The following SMG6 variants were observed in gnomAD, a reference collection of about 807,000 sequenced individuals.
SMG6 encodes the protein SMG6 nonsense mediated mRNA decay factor.
In SMG6, 66 loss-of-function variants were observed where a neutral mutation model predicts 142.2. The observed-to-expected ratio is 0.46, with a 90% CI of 0.38 to 0.57. The LOEUF is 0.57. Among genes scored for constraint, SMG6 ranks in the 20% least tolerant of loss-of-function variants. The probability of loss-of-function intolerance (pLI) is 0.00; values close to 1 mark genes in which losing one functional copy is unlikely to be tolerated. For synonymous variants in SMG6, 779 were observed against 702.4 expected (o/e 1.11, Z -1.72); for missense variants, 1,793 against 1,832.0 (o/e 0.98, Z 0.39).
chr17:2,104,439 G>T (rs1257638315), intron 13 of SMG6, among the ~76,000 whole-genome samples: 2 of 152,018 alleles, frequency 1.3e-5, no homozygotes, highest in Non-Finnish European at 2.9e-5. Flanking sequence ...ATTGTGAAAA[G>T]AAGTCCTCAC....
At chr17:2,095,305 C>T (rs2068827322) in intron 13 of SMG6, among the ~76,000 whole-genome samples, 1 of 152,236 alleles carries the variant, frequency 6.6e-6, no homozygotes. Flanking sequence ...TCACTCTGAA[C>T]CACACTGTTT....
chr17:2,138,710 A>C (rs1567628894), intron 13 of SMG6, among the ~76,000 whole-genome samples: 1 of 151,800 alleles, frequency 6.6e-6, no homozygotes, highest in Admixed American at 6.6e-5. Flanking sequence ...GGTTTCCCCC[A>C]CCTCTCTCCC....
chr17:2,082,786 A>T (rs1246482453), intron 14 of SMG6, among the ~76,000 whole-genome samples: 2 of 152,182 alleles, frequency 1.3e-5, no homozygotes, highest in African/African-American at 4.8e-5. Flanking sequence ...GCTTCCTTTG[A>T]GGGACAGGGT....
chr17:2,081,974 G>A lies in SMG6; in HGVS notation c.3535-18C>T, dbSNP rs571618490. Reference sequence around the variant, plus strand: ...TCCTCCTCCTTTGGGTGGTGGAGCCGACCAGGACAAAGAGGAGACAGTTAG... The same window carrying A: ...TCCTCCTCCTTTGGGTGGTGGAGCCAACCAGGACAAAGAGGAGACAGTTAG... On this transcript the variant is annotated intron_variant, in intron 14 of 18. Transcript: ENST00000263073. 4.2e-5 allele frequency: 68 copies of A among 1,613,770 alleles called. No homozygotes were observed. The highest frequency in any genetic ancestry group is 5.3e-5 in the Non-Finnish European group (62 of 1,179,890).
intron 10 of SMG6, among the ~76,000 whole-genome samples, chr17:2,193,233 C>T (rs1308868012): frequency 6.6e-6 from 1 of 152,186 alleles, no homozygotes; most frequent in Non-Finnish European, 1.5e-5. Context: ...GTAGGTGGGA[C>T]TGCCCCACTC....
chr17:2,148,079 T>G lies in SMG6; in HGVS notation c.3357+24579A>C, dbSNP rs1280395638. ...GGTGGTGCGCACCTGTGGTCCCAGC[T>G]ACTGGGGAGGCTGAGGTGGGACGAT... On this transcript the variant is annotated intron_variant, in intron 13 of 18. Transcript: ENST00000263073. 4.6e-5 allele frequency among the ~76,000 whole-genome samples: 7 copies of G among 151,984 alleles called. No homozygotes were observed. In the East Asian group the frequency reaches 5.8e-4, roughly 13 times the overall value.
intron 10 of SMG6, among the ~76,000 whole-genome samples, chr17:2,189,460 C>A (rs1026423347): frequency 1.4e-4 from 22 of 152,334 alleles, no homozygotes; most frequent in African/African-American, 5.1e-4. Flanking sequence ...GGAGACACCA[C>A]ATACCCACAG....
At chr17:2,167,438 T>C (rs1270794153) in intron 13 of SMG6, among the ~76,000 whole-genome samples, 1 of 152,168 alleles carries the variant, frequency 6.6e-6, no homozygotes, top group East Asian at 1.9e-4. Flanking sequence ...AAGAAAAGAA[T>C]AGAACAAAGA....
intron 8 of SMG6, among the ~76,000 whole-genome samples, chr17:2,246,565 A>G (rs968733401): frequency 6.6e-6 from 1 of 152,246 alleles, no homozygotes; most frequent in Non-Finnish European, 1.5e-5. Flanking sequence ...CATTTAATTT[A>G]TAGATAAAAA....
intron 10 of SMG6, among the ~76,000 whole-genome samples, chr17:2,205,944 G>C (rs1355054363): frequency 1.3e-5 from 2 of 152,130 alleles, no homozygotes; most frequent in African/African-American, 2.4e-5. Flanking sequence ...GAGTAGCTGG[G>C]ACTACAGATG....
intron 13 of SMG6, among the ~76,000 whole-genome samples, chr17:2,156,825 T>C (rs2071022689): frequency 6.6e-6 from 1 of 152,182 alleles, no homozygotes; most frequent in South Asian, 2.1e-4. Flanking sequence ...GGCTAATTTT[T>C]ATTTTTTTGT....
intron 13 of SMG6, among the ~76,000 whole-genome samples, chr17:2,100,929 G>A (rs150913421): frequency 1.2e-3 from 178 of 152,234 alleles, no homozygotes; most frequent in African/African-American, 3.2e-3. Flanking sequence ...TGGGATTACA[G>A]GTGTGGGCCA....
In SMG6 at chr17:2,066,694, C is replaced by CACACACA. The variant is rs1375441508; in HGVS notation, c.3836-1016_3836-1015insTGTGTGT. Reference sequence around the variant, plus strand: ...ACACACACACACACACACACACACACAATGCCCATGCTTTCGGCACCCTGA... The same window carrying CACACACA: ...ACACACACACACACACACACACACACACACACAAATGCCCATGCTTTCGGCACCCTGA... On this transcript the variant is annotated intron_variant, in intron 16 of 18. Transcript: ENST00000263073. 4.0e-5 allele frequency among the ~76,000 whole-genome samples: 6 copies of CACACACA among 150,866 alleles called. No homozygotes were observed. In the South Asian group the frequency reaches 8.5e-4, roughly 21 times the overall value.
chr17:2,268,173 G>A (rs1192716571), intron 8 of SMG6, among the ~76,000 whole-genome samples: 1 of 152,098 alleles, frequency 6.6e-6, no homozygotes, highest in Non-Finnish European at 1.5e-5. Flanking sequence ...CAAAATGCTG[G>A]GATTATAGGC....
chr17:2,147,342 A>C (rs965463541), intron 13 of SMG6, among the ~76,000 whole-genome samples: 1 of 152,122 alleles, frequency 6.6e-6, no homozygotes, highest in Non-Finnish European at 1.5e-5. Context: ...GCAGTGAGCC[A>C]GGATTGCACC....
intron 4 of SMG6, among the ~76,000 whole-genome samples, chr17:2,294,052 A>T (rs1369271448): frequency 2.6e-5 from 4 of 152,218 alleles, no homozygotes; most frequent in African/African-American, 9.6e-5. Flanking sequence ...CACTCCACAC[A>T]AAAGAAATTA....
In SMG6 at chr17:2,115,961, C is replaced by T. The variant is rs543137275; in HGVS notation, c.3358-30060G>A. On this transcript the variant is annotated intron_variant, in intron 13 of 18. Coordinates refer to ENST00000263073, the MANE Select transcript of SMG6 (RefSeq NM_017575.5). ...GATGGAAGCAGTCCTCCCACCCTGG[C>T]CCCCCAAAGTGCAAGAATTACAGGT... Among the ~76,000 whole-genome samples, 24 of 152,262 alleles carry T rather than the reference C, an allele frequency of 1.6e-4. No homozygotes were observed. The East Asian group carries it at 4.6e-3, about 29-fold the overall frequency.
At chr17:2,286,958 G>GT (rs1567749803) in intron 6 of SMG6, among the ~76,000 whole-genome samples, 2 of 127,640 alleles carry the variant, frequency 1.6e-5, no homozygotes, top group African/African-American at 5.8e-5. Context: ...TTGAGACAGA[G>GT]TCTCGCTCTG....
intron 1 of SMG6, 37 bp downstream of exon 1, chr17:2,303,596 G>C: frequency 7.2e-7 from 1 of 1,393,584 alleles, no homozygotes. Flanking sequence ...AGGCGGGGCG[G>C]GCAGGCCCGG....
Sources: allele counts gnomAD v4.1 joint callset (sites outside exome capture counted in the v4.1 genomes callset), GRCh38; gene constraint gnomAD v4.1.1; transcripts MANE v1.5; gene names NCBI Gene and HGNC (gene_info 2026-07-23, HGNC 2026-07-21).